The following ANAPC10 variants were observed in gnomAD, a reference collection of about 807,000 sequenced individuals.
The protein encoded by ANAPC10 is anaphase promoting complex subunit 10, also known as anaphase-promoting complex subunit 10.
Under a neutral mutation model 22.0 loss-of-function variants are expected in ANAPC10, and 12 were observed. The observed-to-expected ratio is 0.55, with a 90% CI of 0.35 to 0.88. The LOEUF is 0.88. ANAPC10 is among the 40% of genes least tolerant of loss of function. The probability of loss-of-function intolerance (pLI) is 0.01; values close to 1 mark genes in which losing one functional copy is unlikely to be tolerated. For synonymous variants in ANAPC10, 65 were observed against 69.5 expected, an observed-to-expected ratio of 0.94 and a Z score of 0.32; for missense variants, 188 against 220.9, an observed-to-expected ratio of 0.85 and a Z score of 0.94.
At chr4:145,014,471 C>A (rs1272354426) in intron 4 of ANAPC10, among the ~76,000 whole-genome samples, 1 of 152,014 alleles carries the variant, frequency 6.6e-6, no homozygotes, top group African/African-American at 2.4e-5. Flanking sequence ...ACACACCAAA[C>A]CCTGCCCCTA....
At chr4:145,089,549 C>G (rs1426573911) in intron 2 of ANAPC10, among the ~76,000 whole-genome samples, 1 of 152,172 alleles carries the variant, frequency 6.6e-6, no homozygotes, top group African/African-American at 2.4e-5. Flanking sequence ...TTTTTCCAGT[C>G]TCTTAGGTAG....
intron 4 of ANAPC10, among the ~76,000 whole-genome samples, chr4:145,024,864 G>A (rs1736437791): frequency 6.6e-6 from 1 of 152,194 alleles, no homozygotes; most frequent in South Asian, 2.1e-4. Context: ...TATGGAAGTC[G>A]TAGTTGGCAT....
intron 4 of ANAPC10, among the ~76,000 whole-genome samples, chr4:145,015,079 C>A (rs1383887004): frequency 6.6e-6 from 1 of 151,890 alleles, no homozygotes; most frequent in Non-Finnish European, 1.5e-5. Flanking sequence ...TGGATCCAAA[C>A]CAAAAAGAAA....
At chr4:145,052,111 AG>A (rs551219926) in intron 4 of ANAPC10, among the ~76,000 whole-genome samples, 2 of 152,242 alleles carry the variant, frequency 1.3e-5, no homozygotes, top group South Asian at 4.1e-4. Flanking sequence ...GCTGGGAGTA[AG>A]GGGGACAGTT....
At chr4:145,012,174 GTGTATATA>G (rs948228643) in intron 4 of ANAPC10, among the ~76,000 whole-genome samples, 2 of 133,458 alleles carry the variant, frequency 1.5e-5, no homozygotes, top group African/African-American at 2.7e-5. Context: ...ATGTGTGTGT[GTGTATATA>G]TATATATATA....
At chr4:144,998,806 C>CA (rs1169853003) in intron 4 of ANAPC10, among the ~76,000 whole-genome samples, 3 of 151,910 alleles carry the variant, frequency 2.0e-5, no homozygotes, top group East Asian at 1.9e-4. Context: ...AAAAAACCTT[C>CA]AAAAAATCAA....
chr4:145,098,384 C>T (rs555793829), upstream of ANAPC10: 3 of 152,486 alleles, frequency 2.0e-5, no homozygotes, highest in African/African-American at 7.2e-5. Flanking sequence ...GATTTGGCCT[C>T]TGTGCTCCCC....
At chr4:145,090,461 A>G (rs1024877153) in intron 2 of ANAPC10, among the ~76,000 whole-genome samples, 1 of 152,228 alleles carries the variant, frequency 6.6e-6, no homozygotes, top group Non-Finnish European at 1.5e-5. Flanking sequence ...CATACAGAAT[A>G]AGCATCATCT....
At chr4:145,051,500 C>T (rs1741093771) in intron 4 of ANAPC10, among the ~76,000 whole-genome samples, 1 of 152,106 alleles carries the variant, frequency 6.6e-6, no homozygotes, top group Non-Finnish European at 1.5e-5. Context: ...ACTTCCTTGA[C>T]ACAGTTGCCA....
chr4:145,053,810 C>A, intron 4 of ANAPC10: 1 of 632,380 alleles, frequency 1.6e-6, no homozygotes, highest in Non-Finnish European at 2.8e-6. Context: ...CCTGACTAGG[C>A]TCACCTCTAT....
intron 4 of ANAPC10, among the ~76,000 whole-genome samples, chr4:145,042,415 C>T (rs544630790): frequency 1.3e-5 from 2 of 152,110 alleles, no homozygotes; most frequent in South Asian, 4.2e-4. Flanking sequence ...TATAATCCAG[C>T]CAAGATATAC....
rs560717892 is a variant in ANAPC10 at position 145,041,917 on chromosome 4, G to A, written c.327+22655C>T. Among the ~76,000 whole-genome samples the A allele has an allele frequency of 2.0e-4, 30 of 152,206 alleles. No homozygotes were observed. The South Asian group carries it at 6.2e-3, about 32-fold the overall frequency. On this transcript the variant is annotated intron_variant, in intron 4 of 4. Coordinates refer to ENST00000507656, the MANE Select transcript of ANAPC10 (RefSeq NM_001256706.2). Reference sequence around the variant, plus strand: ...TGAAATTATATCTTTATAAAAAATAGTCAAAATGGTAAAAACCCAGTTTCA... The same window carrying A: ...TGAAATTATATCTTTATAAAAAATAATCAAAATGGTAAAAACCCAGTTTCA...
In ANAPC10 at chr4:145,026,957, G is replaced by GTGTATATATATA. The variant is rs1343774253; in HGVS notation, c.328-31355_328-31354insTATATATATACA. Among the ~76,000 whole-genome samples, 3 of 18,350 alleles carry GTGTATATATATA rather than the reference G, an allele frequency of 1.6e-4. 1 individual carries two copies. The highest frequency in any genetic ancestry group is 5.8e-4 in the African/African-American group (2 of 3,464). 12.0% of individuals were successfully genotyped at this position (18,350 alleles called of 152,430 possible). ...TATATATATATATATGTGTGTGTGT[G>GTGTATATATATA]TATATATATATATATATATATATAT... On this transcript the variant is annotated intron_variant, in intron 4 of 4. Coordinates refer to ENST00000507656, the MANE Select transcript of ANAPC10 (RefSeq NM_001256706.2).
At chr4:145,050,126 A>C (rs1740881726) in intron 4 of ANAPC10, among the ~76,000 whole-genome samples, 1 of 152,246 alleles carries the variant, frequency 6.6e-6, no homozygotes, top group Non-Finnish European at 1.5e-5. Flanking sequence ...ATGGCAGCTA[A>C]TGCCTAAAGA....
intron 3 of ANAPC10, among the ~76,000 whole-genome samples, chr4:145,067,990 T>C (rs909543092): frequency 6.6e-6 from 1 of 152,146 alleles, no homozygotes; most frequent in African/African-American, 2.4e-5. Flanking sequence ...GATATGGACA[T>C]GATAGGTGGA....
chr4:145,027,297 C>G (rs1021951867), intron 4 of ANAPC10, among the ~76,000 whole-genome samples: 2 of 151,622 alleles, frequency 1.3e-5, no homozygotes, highest in African/African-American at 4.8e-5. Flanking sequence ...AGCCACCACA[C>G]CTGGCCAAAA....
At chr4:145,030,393 A>G (rs1203928713) in intron 4 of ANAPC10, among the ~76,000 whole-genome samples, 1 of 152,116 alleles carries the variant, frequency 6.6e-6, no homozygotes, top group Non-Finnish European at 1.5e-5. Context: ...CCCCAAGAAG[A>G]CCTCTGGCCT....
At chr4:145,025,173 T>A (rs1371390781) in intron 4 of ANAPC10, among the ~76,000 whole-genome samples, 1 of 152,216 alleles carries the variant, frequency 6.6e-6, no homozygotes, top group African/African-American at 2.4e-5. Flanking sequence ...TGTGGCTGGT[T>A]TGATTTTCTA....
chr4:145,002,633 G>A (rs1732749315), intron 4 of ANAPC10, among the ~76,000 whole-genome samples: 1 of 152,130 alleles, frequency 6.6e-6, no homozygotes, highest in African/African-American at 2.4e-5. Context: ...CTGAATAAAT[G>A]TGAAGCCAAT....
Sources: allele counts gnomAD v4.1 joint callset (sites outside exome capture counted in the v4.1 genomes callset), GRCh38; gene constraint gnomAD v4.1.1; transcripts MANE v1.5; gene names NCBI Gene and HGNC (gene_info 2026-07-23, HGNC 2026-07-21).